DDX59: variants seen among roughly 807,000 people sequenced by gnomAD.
DDX59 encodes the protein DEAD-box helicase 59, also known as probable ATP-dependent RNA helicase DDX59.
DDX59 carries 30 observed loss-of-function variants against 51.9 expected under a neutral mutation model. That is an observed-to-expected ratio of 0.58 (90% CI 0.43 to 0.78). DDX59 has a LOEUF of 0.78. DDX59 is among the 30% of genes least tolerant of loss of function. The pLI, the probability that DDX59 is intolerant of heterozygous loss-of-function variation, is 0.00. For missense variants in DDX59, 672 were observed against 730.8 expected, an observed-to-expected ratio of 0.92 and a Z score of 0.93; for synonymous variants, 255 against 253.3, an observed-to-expected ratio of 1.01 and a Z score of -0.06.
intron 4 of DDX59, among the ~76,000 whole-genome samples, chr1:200,654,042 A>T (rs1409817948): frequency 6.6e-6 from 1 of 152,188 alleles, no homozygotes; most frequent in Non-Finnish European, 1.5e-5. Context: ...ATGAACACTA[A>T]TTCTAAGCAC....
At position 200,667,275 on chromosome 1, in the gene DDX59, C is replaced by T. The variant is rs12563498; in HGVS notation, c.-11-524G>A. ...AATTAGCTGGGCATGGTGGCGCACA[C>T]CTGTATTCCCAGCTACTCGGGAGGC... On this transcript the variant is annotated intron_variant, in intron 1 of 7. Transcript: ENST00000331314. 1.2e-3 allele frequency among the ~76,000 whole-genome samples: 186 copies of T among 152,274 alleles called. 1 individual carries two copies. The East Asian group carries it at 0.034, about 28-fold the overall frequency.
intron 3 of DDX59, among the ~76,000 whole-genome samples, chr1:200,659,569 A>C (rs926071999): frequency 6.6e-6 from 1 of 152,206 alleles, no homozygotes; most frequent in Non-Finnish European, 1.5e-5. Flanking sequence ...ATGGTTCTAT[A>C]AACAAGTGAA....
At chr1:200,659,598 G>T (rs1355940624) in intron 3 of DDX59, among the ~76,000 whole-genome samples, 1 of 152,066 alleles carries the variant, frequency 6.6e-6, no homozygotes, top group Non-Finnish European at 1.5e-5. Flanking sequence ...AACATCTTTG[G>T]GCTTTTTATT....
At chr1:200,658,344 T>C (rs962359921) in intron 4 of DDX59, among the ~76,000 whole-genome samples, 3 of 151,866 alleles carry the variant, frequency 2.0e-5, no homozygotes, top group African/African-American at 4.8e-5. Flanking sequence ...CTATAGTATA[T>C]GTAACATAGA....
chr1:200,648,035 G>C (rs1207852188), intron 7 of DDX59, among the ~76,000 whole-genome samples: 4 of 144,080 alleles, frequency 2.8e-5, no homozygotes, highest in Admixed American at 6.9e-5. Context: ...TTTTTTGGGG[G>C]GGGGGAGGGG....
intron 3 of DDX59, 133 bp downstream of exon 3, chr1:200,663,786 T>C: frequency 1.3e-6 from 1 of 776,908 alleles, no homozygotes; most frequent in Non-Finnish European, 1.8e-6. Context: ...AAAAAAAACC[T>C]AAGGCTTACT....
intron 5 of DDX59, 134 bp downstream of exon 5, chr1:200,650,291 G>A (rs1232334856): frequency 5.4e-5 from 50 of 918,576 alleles, no homozygotes; most frequent in Non-Finnish European, 7.6e-5. Flanking sequence ...TAGAATTCTA[G>A]GGTAGGTAAA....
Position 200,644,531 on chromosome 1 carries a change from C to A in DDX59, c.1597-14G>T. ...TACTCTTCCAATCTGAAATAAAATG[C>A]AAAGAACATTTTCAAGATGTCCATG... On this transcript the variant is annotated splice_polypyrimidine_tract_variant and intron_variant, in intron 7 of 7. Transcript: ENST00000331314. 1 of 1,543,736 alleles carries A rather than the reference C, an allele frequency of 6.5e-7. No individual in the cohort carries two copies. Among genetic ancestry groups the A allele is most frequent in the Non-Finnish European group, 8.7e-7 (1 of 1,148,220 alleles).
Position 200,657,698 on chromosome 1 carries a change from G to A in DDX59, c.1062+1329C>T, listed in dbSNP as rs536442165. Among the ~76,000 whole-genome samples, 414 of 149,090 alleles carry A rather than the reference G, an allele frequency of 2.8e-3. 2 individuals are homozygous for A. The highest frequency in any genetic ancestry group is 4.3e-3 in the Non-Finnish European group (291 of 67,602). On this transcript the variant is annotated intron_variant, in intron 4 of 7. Coordinates refer to ENST00000331314, the MANE Select transcript of DDX59 (RefSeq NM_001031725.6). ...TGGGAGGTGGAGCTTGCAGTGAGCC[G>A]AGATCACGCCACTGCACTCCAGCCT...
At position 200,644,326 on chromosome 1, in the gene DDX59, C is replaced by G. The variant is rs1289440899; in HGVS notation, c.1788G>C (p.Gln596His). The change falls in exon 8 of 8, where the codon CAG becomes CAC. Residue 596 changes from glutamine to histidine, a missense_variant. Coordinates refer to ENST00000331314, the MANE Select transcript of DDX59 (RefSeq NM_001031725.6). ...GATTAGCTCCTGTAACCAGATCATT[C>G]TGTGTCTGTTTATCTTTCTGTTGTT... ...RKEQQKDKQT[Q>H]NDLVTGANLM... The G allele has an allele frequency of 1.9e-6, 3 of 1,613,464 alleles. No homozygotes were observed. The highest frequency in any genetic ancestry group is 1.1e-5 in the South Asian group (1 of 90,990).
intron 7 of DDX59, among the ~76,000 whole-genome samples, chr1:200,647,576 T>G (rs1435642248): frequency 1.3e-5 from 2 of 151,774 alleles, no homozygotes; most frequent in African/African-American, 4.8e-5. Flanking sequence ...ACTTCTAGTT[T>G]TTTTTTTTTT....
At chr1:200,660,204 T>C (rs897010003) in intron 3 of DDX59, among the ~76,000 whole-genome samples, 1 of 152,228 alleles carries the variant, frequency 6.6e-6, no homozygotes, top group African/African-American at 2.4e-5. Context: ...CACACCCTCC[T>C]TTCTGGCACA....
chr1:200,646,890 T>G (rs1280010256), intron 7 of DDX59, among the ~76,000 whole-genome samples: 4 of 152,196 alleles, frequency 2.6e-5, no homozygotes, highest in Non-Finnish European at 5.9e-5. Context: ...GTGGTATATC[T>G]ACACGATAAA....
In DDX59 at chr1:200,659,113, T is replaced by C. The variant is rs894805933; in HGVS notation, c.976A>G (p.Ile326Val). 6.1e-5 allele frequency: 98 copies of C among 1,610,910 alleles called. No homozygotes were observed. The highest frequency in any genetic ancestry group is 8.2e-5 in the Non-Finnish European group (97 of 1,178,204). Residue 326 changes from isoleucine (I) to valine (V), a missense_variant, in exon 4 of 8, where the codon ATC (isoleucine) becomes GTC (valine). Coordinates refer to ENST00000331314, the MANE Select transcript of DDX59 (RefSeq NM_001031725.6). ...LYRLQQHVKV[I>V]IATPGRLLDI... Reference sequence around the variant, plus strand: ...AGAAGTCGCCCAGGGGTTGCTATGATAACCTAAATAAAAGAGAAAAAGCAA... The same window carrying C: ...AGAAGTCGCCCAGGGGTTGCTATGACAACCTAAATAAAAGAGAAAAAGCAA...
In DDX59 at chr1:200,669,868, G is replaced by A. The variant is rs1663058281; in HGVS notation, c.-113C>T. 1 of 151,056 alleles carries A rather than the reference G, an allele frequency of 6.6e-6. No homozygotes were observed. Among genetic ancestry groups the A allele is most frequent in the Admixed American group, 6.6e-5 (1 of 15,154 alleles). 9.4% of individuals were successfully genotyped at this position (151,056 alleles called of 1,614,324 possible). ...CCGCCCGACAAGCCCTGACCCGCTCGTCAGGACTGCGGCCCGGGGTTGGTG... is the reference window on the plus strand; with the variant it reads ...CCGCCCGACAAGCCCTGACCCGCTCATCAGGACTGCGGCCCGGGGTTGGTG... On this transcript the variant is annotated 5_prime_UTR_variant, in exon 1 of 8. It adds an upstream start codon to the 5' untranslated region. Transcript: ENST00000331314.
At chr1:200,659,731 G>A (rs568554306) in intron 3 of DDX59, among the ~76,000 whole-genome samples, 8 of 152,180 alleles carry the variant, frequency 5.3e-5, no homozygotes, top group South Asian at 4.2e-4. Flanking sequence ...ATATAATCTC[G>A]CTCTGTCACC....
At chr1:200,667,332 C>T (rs562149168) in intron 1 of DDX59, among the ~76,000 whole-genome samples, 25 of 152,266 alleles carry the variant, frequency 1.6e-4, no homozygotes, top group African/African-American at 5.5e-4. Flanking sequence ...ACCCAGGAGG[C>T]GGAGGTTGCG....
Position 200,648,466 on chromosome 1 carries a change from A to T in DDX59, c.1569T>A (p.Pro523=). The T allele has an allele frequency of 1.2e-6, 2 of 1,614,158 alleles. No individual in the cohort carries two copies. The highest frequency in any genetic ancestry group is 1.7e-6 in the Non-Finnish European group (2 of 1,180,000). Residue 523 remains proline, a synonymous_variant, in exon 7 of 8, where the codon CCT becomes CCA. Transcript: ENST00000331314. ...GATGGACATACTCATCCATACTTGA[A>T]GGCATATCAAAATTGACAACCAGCC... ...SVRLVVNFDM[P]SSMDEYVHQI... is the part of the protein sequence containing the mutation.
chr1:200,656,378 T>C (rs1323896468), intron 4 of DDX59, among the ~76,000 whole-genome samples: 1 of 152,218 alleles, frequency 6.6e-6, no homozygotes, highest in African/African-American at 2.4e-5. Flanking sequence ...GTACATATGA[T>C]AACGTTCTCG....
Sources: gnomAD v4.1 joint callset for allele counts (sites outside exome capture counted in the v4.1 genomes callset) on GRCh38, gnomAD v4.1.1 for gene constraint, MANE v1.5 for transcripts, NCBI Gene and HGNC (gene_info 2026-07-23, HGNC 2026-07-21) for gene names.